ZNF425: variants seen among roughly 807,000 people sequenced by gnomAD.
ZNF425 encodes the protein zinc finger protein 425.
A neutral mutation model predicts 17.0 loss-of-function variants in ZNF425; 21 were observed. The ratio of observed to expected loss-of-function variants is 1.23; its 90% CI spans 0.88 to 1.78. The LOEUF is 1.78. ZNF425 is among the 40% of genes most tolerant of loss of function. The probability of loss-of-function intolerance (pLI) is 0.00; values close to 1 mark genes in which losing one functional copy is unlikely to be tolerated. For synonymous variants in ZNF425, 433 were observed against 384.1 expected (o/e 1.13, Z -1.49); for missense variants, 868 against 967.3 (o/e 0.90, Z 1.36).
chr7:149,103,498 G>T lies in ZNF425; in HGVS notation c.*114C>A. 7.5e-7 allele frequency: 1 copy of T among 1,338,586 alleles called. No individual in the cohort carries two copies. Among genetic ancestry groups the T allele is most frequent in the Non-Finnish European group, 9.9e-7 (1 of 1,005,272 alleles). 82.9% of individuals were successfully genotyped at this position (1,338,586 alleles called of 1,614,324 possible). A position where few individuals can be genotyped will look rare whatever the true frequency, so the allele number is the denominator to read the frequency against. ...CTCCCAAAGTAATGGGATTACAGGC[G>T]GGAGCCACTGTGCCCGATCTTACCC... On this transcript the variant is annotated 3_prime_UTR_variant, in exon 4 of 4. Transcript: ENST00000378061.
intron 3 of ZNF425, among the ~76,000 whole-genome samples, chr7:149,110,741 A>G (rs957760193): frequency 1.3e-5 from 2 of 151,594 alleles, no homozygotes; most frequent in Non-Finnish European, 2.9e-5. Context: ...TGGACATGAC[A>G]GTGTGACAAG....
intron 1 of ZNF425, chr7:149,125,792 G>A (rs1826455231): frequency 1.1e-5 from 4 of 353,646 alleles, no homozygotes; most frequent in South Asian, 2.5e-5. Context: ...CTCGGTTTCC[G>A]AGCTGGGCCG....
intron 1 of ZNF425, among the ~76,000 whole-genome samples, chr7:149,119,409 C>T (rs978352934): frequency 6.6e-6 from 1 of 152,164 alleles, no homozygotes; most frequent in African/African-American, 2.4e-5. Context: ...TAAAAAGGTT[C>T]CATGTACCCT....
intron 2 of ZNF425, among the ~76,000 whole-genome samples, chr7:149,114,262 C>T (rs1490648679): frequency 8.4e-5 from 12 of 142,548 alleles, no homozygotes; most frequent in South Asian, 2.2e-4. Context: ...TTAGTAGAGA[C>T]GGGGTTTCAC....
intron 2 of ZNF425, among the ~76,000 whole-genome samples, chr7:149,113,967 A>AAG (rs1826213779): frequency 6.9e-6 from 1 of 144,570 alleles, no homozygotes; most frequent in Admixed American, 7.2e-5. Context: ...GTGAGCTGTG[A>AAG]TTGTGCCACT....
At chr7:149,121,720 A>T (rs945506933) in intron 1 of ZNF425, among the ~76,000 whole-genome samples, 3 of 152,086 alleles carry the variant, frequency 2.0e-5, no homozygotes, top group Non-Finnish European at 4.4e-5. Flanking sequence ...GCAATCTATA[A>T]GACAGCATTT....
In ZNF425 at chr7:149,103,803, C is replaced by T; in HGVS notation, c.2068G>A (p.Gly690Arg). 3 of 1,614,150 alleles carry T rather than the reference C, an allele frequency of 1.9e-6. No homozygotes were observed. The highest frequency in any genetic ancestry group is 2.5e-6 in the Non-Finnish European group (3 of 1,180,030). The part of the protein sequence containing the change: ...SLKVHLYKHS[G>R]ERPFQCPECG... ...TCGGGACACTGGAAGGGCCTCTCTC[C>T]ACTGTGCTTATACAAGTGGACCTTC... Residue 690 changes from glycine to arginine, a missense_variant, in exon 4 of 4, where the codon GGA becomes AGA. Transcript: ENST00000378061.
chr7:149,125,965 G>A, intron 1 of ZNF425: 1 of 840,612 alleles, frequency 1.2e-6, no homozygotes, highest in Non-Finnish European at 1.9e-6. Context: ...CGGGGCCACA[G>A]ACGCGCGCGG....
At chr7:149,119,538 T>C (rs57718711) in intron 1 of ZNF425, among the ~76,000 whole-genome samples, 5,611 of 152,300 alleles carry the variant, frequency 0.037, 335 homozygotes, top group African/African-American at 0.13. Context: ...TGCTCACTCA[T>C]GTAACCACCA....
chr7:149,118,214 C>T lies in ZNF425; in HGVS notation c.145+8G>A. ...CCTAAAAAGTGATTCCTTAGAAGCT[C>T]ATCTTACCCAGGGAATCAAGGGTCT... On this transcript the variant is annotated splice_region_variant and intron_variant, in intron 2 of 3. Coordinates refer to ENST00000378061, the MANE Select transcript of ZNF425 (RefSeq NM_001001661.3). 6.2e-7 allele frequency: 1 copy of T among 1,614,006 alleles called. No homozygotes were observed. Among genetic ancestry groups the T allele is most frequent in the Non-Finnish European group, 8.5e-7 (1 of 1,179,974 alleles).
In ZNF425 at chr7:149,105,053, G is replaced by T; in HGVS notation, c.818C>A (p.Pro273His). 1 of 1,614,240 alleles carries T rather than the reference G, an allele frequency of 6.2e-7. No homozygotes were observed. Among genetic ancestry groups the T allele is most frequent in the South Asian group, 1.1e-5 (1 of 91,088 alleles). The change falls in exon 4 of 4, where the codon CCC (proline) becomes CAC (histidine). Residue 273 changes from proline to histidine, a missense_variant. Physicochemically the swap from Pro to His is moderately conservative, Grantham distance 77. Around this residue, in one of 5 missense-constraint regions of ZNF425, gnomAD observed 243 missense variants for 265.2 expected, o/e 0.92. Transcript: ENST00000378061. ...CTTGTCGCACTCAGGGCATGGGTAG[G>T]GCCGCTGGCCGGTGTGGACAACCTG... is the stretch of plus-strand genomic sequence containing the variant. ...THQVVHTGQR[P>H]YPCPECDKTF...
At chr7:149,121,000 TG>T (rs35064249) in intron 1 of ZNF425, among the ~76,000 whole-genome samples, 81,149 of 151,592 alleles carry the variant, frequency 0.54, 25,249 homozygotes, top group East Asian at 0.9. Flanking sequence ...ACAACTGCTG[TG>T]TCATATGATG....
At chr7:149,111,340 C>A (rs1489567926) in intron 3 of ZNF425, among the ~76,000 whole-genome samples, 3 of 150,682 alleles carry the variant, frequency 2.0e-5, no homozygotes, top group Non-Finnish European at 4.4e-5. Context: ...GCCTGTAATC[C>A]CAGCACTTTG....
At chr7:149,111,633 T>C (rs1345172041) in intron 3 of ZNF425, among the ~76,000 whole-genome samples, 1 of 136,746 alleles carries the variant, frequency 7.3e-6, no homozygotes, top group African/African-American at 2.7e-5. Context: ...TATATATCTA[T>C]ATAAAACTTT....
chr7:149,107,989 T>C (rs1021316308), intron 3 of ZNF425, among the ~76,000 whole-genome samples: 15 of 151,766 alleles, frequency 9.9e-5, no homozygotes, highest in African/African-American at 2.9e-4. Flanking sequence ...CGTTAGCCCC[T>C]ACCTCCAAGT....
chr7:149,120,682 G>GA (rs1826335454), intron 1 of ZNF425, among the ~76,000 whole-genome samples: 1 of 152,198 alleles, frequency 6.6e-6, no homozygotes, highest in African/African-American at 2.4e-5. Context: ...TAGCCTAGGA[G>GA]AAATAAGCTA....
Position 149,105,352 on chromosome 7 carries a change from C to T in ZNF425, c.519G>A (p.Lys173=), listed in dbSNP as rs1301521679. 6.2e-7 allele frequency: 1 copy of T among 1,613,740 alleles called. No individual in the cohort carries two copies. ...CTAAGCGCCCTGGGGTCTCCCGAGGCTTATGCCGCAGGTCTTTCTTGTCTG... is the reference window on the plus strand; with the variant it reads ...CTAAGCGCCCTGGGGTCTCCCGAGGTTTATGCCGCAGGTCTTTCTTGTCTG... ...YDPDKKDLRH[K]PRETPGRLEI... The change falls in exon 4 of 4, where the codon AAG becomes AAA. Residue 173 remains lysine (K), a synonymous_variant. Coordinates refer to ENST00000378061, the MANE Select transcript of ZNF425 (RefSeq NM_001001661.3).
chr7:149,120,042 C>A (rs1423125880), intron 1 of ZNF425, among the ~76,000 whole-genome samples: 1 of 152,120 alleles, frequency 6.6e-6, no homozygotes, highest in Non-Finnish European at 1.5e-5. Context: ...ACAAAGAGCT[C>A]CCTTGTTGCA....
chr7:149,107,924 G>A (rs1324088791), intron 3 of ZNF425, among the ~76,000 whole-genome samples: 3 of 151,348 alleles, frequency 2.0e-5, no homozygotes, highest in Admixed American at 1.3e-4. Flanking sequence ...AGAGTGCAGT[G>A]GCATGATCAC....
Sources: allele counts gnomAD v4.1 joint callset (sites outside exome capture counted in the v4.1 genomes callset), GRCh38; gene constraint gnomAD v4.1.1; regional missense constraint gnomAD v4.1.1; transcripts MANE v1.5; gene names NCBI Gene and HGNC (gene_info 2026-07-23, HGNC 2026-07-21).